The following SNX29 variants were observed in gnomAD, a reference collection of about 807,000 sequenced individuals.
SNX29 encodes sorting nexin 29, also known as sorting nexin-29.
In SNX29, 78 loss-of-function variants were observed where a neutral mutation model predicts 102.1. The observed-to-expected ratio is 0.76, with a 90% CI of 0.64 to 0.92. The LOEUF (loss-of-function observed/expected upper bound fraction) is 0.92, where lower values mean the gene tolerates loss of function less well. Among genes scored for constraint, SNX29 ranks in the 40% least tolerant of loss-of-function variants. The probability of loss-of-function intolerance (pLI) is 0.00; values close to 1 mark genes in which losing one functional copy is unlikely to be tolerated. For missense variants in SNX29, 1,280 were observed against 1,061.7 expected (o/e 1.21, Z -2.86); for synonymous variants, 580 against 414.5 (o/e 1.40, Z -4.85).
At chr16:12,122,688 G>A (rs1327898374) in intron 11 of SNX29, among the ~76,000 whole-genome samples, 3 of 152,138 alleles carry the variant, frequency 2.0e-5, no homozygotes, top group Non-Finnish European at 4.4e-5. Flanking sequence ...TCAGGAGAGG[G>A]CCTAGGTGGA....
intron 14 of SNX29, among the ~76,000 whole-genome samples, chr16:12,275,370 G>A (rs2079212456): frequency 6.6e-6 from 1 of 152,160 alleles, no homozygotes; most frequent in Non-Finnish European, 1.5e-5. Context: ...TAAAAAAATG[G>A]AATACCCTAA....
intron 1 of SNX29, among the ~76,000 whole-genome samples, chr16:11,997,317 C>T (rs1443465033): frequency 6.6e-6 from 1 of 152,154 alleles, no homozygotes; most frequent in Non-Finnish European, 1.5e-5. Context: ...TGTTCCTTCT[C>T]TTCATAGAGG....
chr16:12,358,234 A>C (rs957127492), intron 16 of SNX29, among the ~76,000 whole-genome samples: 2 of 152,200 alleles, frequency 1.3e-5, no homozygotes, highest in African/African-American at 2.4e-5. Flanking sequence ...ACGCTTTTAC[A>C]TCCCTGCTGT....
At chr16:11,992,998 C>G (rs532512410) in intron 1 of SNX29, among the ~76,000 whole-genome samples, 2 of 151,854 alleles carry the variant, frequency 1.3e-5, no homozygotes, top group South Asian at 4.2e-4. Context: ...CCCATCTCTA[C>G]TAAAAATACA....
chr16:12,543,501 C>T (rs889152944), intron 20 of SNX29, among the ~76,000 whole-genome samples: 11 of 152,160 alleles, frequency 7.2e-5, no homozygotes, highest in East Asian at 1.9e-4. Flanking sequence ...CCTGTGCTGG[C>T]GAGTCATTGT....
At chr16:12,444,853 T>TTG (rs2085976935) in intron 18 of SNX29, among the ~76,000 whole-genome samples, 1 of 150,374 alleles carries the variant, frequency 6.7e-6, no homozygotes, top group Admixed American at 6.6e-5. Context: ...TTTTTTTTTT[T>TTG]TTTTGAGACA....
chr16:12,524,119 C>G (rs1397776234), intron 19 of SNX29, among the ~76,000 whole-genome samples: 1 of 152,160 alleles, frequency 6.6e-6, no homozygotes, highest in African/African-American at 2.4e-5. Context: ...CTCCCAGCCT[C>G]AGGTGATCCG....
chr16:12,162,256 C>T (rs1020788900), intron 13 of SNX29, among the ~76,000 whole-genome samples: 7 of 152,288 alleles, frequency 4.6e-5, no homozygotes, highest in Admixed American at 1.3e-4. Flanking sequence ...CGAGGGGCCT[C>T]GTCTGTTTAC....
chr16:12,446,988 G>T (rs909588310), intron 18 of SNX29, among the ~76,000 whole-genome samples: 1 of 151,284 alleles, frequency 6.6e-6, no homozygotes, highest in Non-Finnish European at 1.5e-5. Context: ...AACATGGTGA[G>T]ACCCCGTCTC....
At chr16:12,472,518 CAAAAAAAAACCAAAA>C (rs2087396449) in intron 18 of SNX29, among the ~76,000 whole-genome samples, 1 of 23,334 alleles carries the variant, frequency 4.3e-5, no homozygotes, top group East Asian at 1.4e-3. Context: ...GTCTAAATCT[CAAAAAAAAACCAAAA>C]AAAAAAAAAA....
Position 12,557,076 on chromosome 16 carries a change from C to T in SNX29, c.2319-11430C>T, listed in dbSNP as rs577281191. On this transcript the variant is annotated intron_variant, in intron 20 of 20. Transcript: ENST00000566228. Reference sequence around the variant, plus strand: ...GGCCCAGGCTGGCCTCAGAGTCTGCCAGGCTCAAGCCATCTAGCTGCCTCA... The same window carrying T: ...GGCCCAGGCTGGCCTCAGAGTCTGCTAGGCTCAAGCCATCTAGCTGCCTCA... Among the ~76,000 whole-genome samples, 89 of 148,626 alleles carry T rather than the reference C, an allele frequency of 6.0e-4. 1 individual carries two copies. Among genetic ancestry groups the T allele is most frequent in the Middle Eastern group, 3.4e-3 (1 of 292 alleles).
chr16:12,432,754 G>C (rs1021224847), intron 18 of SNX29, among the ~76,000 whole-genome samples: 3 of 152,250 alleles, frequency 2.0e-5, no homozygotes, highest in African/African-American at 7.2e-5. Flanking sequence ...AAGTTGACGA[G>C]AGGAGAGGCG....
intron 20 of SNX29, among the ~76,000 whole-genome samples, chr16:12,565,447 C>T (rs922060257): frequency 1.3e-5 from 2 of 152,194 alleles, no homozygotes; most frequent in African/African-American, 4.8e-5. Flanking sequence ...CACCTGCCCC[C>T]TCCTCATCCT....
chr16:12,258,004 G>A (rs2078625138), intron 14 of SNX29, among the ~76,000 whole-genome samples: 1 of 152,126 alleles, frequency 6.6e-6, no homozygotes, highest in Non-Finnish European at 1.5e-5. Flanking sequence ...CCTGGGTCAG[G>A]CCCCCAGAGT....
At chr16:12,247,304 A>G (rs1457925068) in intron 14 of SNX29, among the ~76,000 whole-genome samples, 1 of 152,208 alleles carries the variant, frequency 6.6e-6, no homozygotes, top group East Asian at 1.9e-4. Flanking sequence ...GGACAAGACC[A>G]GGAGTCCATG....
chr16:12,027,198 C>T, intron 3 of SNX29, 122 bp from the exon 4 acceptor site: 1 of 1,217,958 alleles, frequency 8.2e-7, no homozygotes, highest in East Asian at 2.5e-5. Context: ...CCAGGTGTCT[C>T]CTGTCTGCCT....
At chr16:12,562,186 A>C (rs1450177824) in intron 20 of SNX29, among the ~76,000 whole-genome samples, 2 of 152,164 alleles carry the variant, frequency 1.3e-5, no homozygotes, top group Non-Finnish European at 2.9e-5. Context: ...ACCTGAGCAT[A>C]GGGTTCACAG....
At chr16:12,301,998 A>C (rs751335910) in intron 15 of SNX29, among the ~76,000 whole-genome samples, 1 of 152,212 alleles carries the variant, frequency 6.6e-6, no homozygotes, top group Non-Finnish European at 1.5e-5. Flanking sequence ...GTTATATACA[A>C]AAGAAAGATA....
intron 19 of SNX29, among the ~76,000 whole-genome samples, chr16:12,507,187 G>A (rs781741188): frequency 6.6e-6 from 1 of 152,232 alleles, no homozygotes; most frequent in Non-Finnish European, 1.5e-5. Context: ...AAGTGGTGCA[G>A]CCAGGATTGA....
Sources: gnomAD v4.1 joint callset for allele counts (sites outside exome capture counted in the v4.1 genomes callset) on GRCh38, gnomAD v4.1.1 for gene constraint, MANE v1.5 for transcripts, NCBI Gene and HGNC (gene_info 2026-07-23, HGNC 2026-07-21) for gene names.